PPFIBP1: variants seen among roughly 807,000 people sequenced by gnomAD.
PPFIBP1 encodes PPFIB scaffold protein 1, also known as liprin-beta-1.
In PPFIBP1, 112 loss-of-function variants were observed where a neutral mutation model predicts 137.8. That is an observed-to-expected ratio of 0.81 (90% CI 0.70 to 0.95). The LOEUF (loss-of-function observed/expected upper bound fraction) is 0.95, where lower values mean the gene tolerates loss of function less well. PPFIBP1 is among the 40% of genes least tolerant of loss of function. The probability of loss-of-function intolerance (pLI) is 0.00; values close to 1 mark genes in which losing one functional copy is unlikely to be tolerated. For synonymous variants in PPFIBP1, 378 were observed against 417.3 expected, an observed-to-expected ratio of 0.91 and a Z score of 1.15; for missense variants, 1,083 against 1,196.6, an observed-to-expected ratio of 0.91 and a Z score of 1.40.
intron 8 of PPFIBP1, 127 bp downstream of exon 8, chr12:27,654,941 AT>A (rs2059103370): frequency 2.1e-6 from 3 of 1,404,074 alleles, no homozygotes; most frequent in East Asian, 5.0e-5. Flanking sequence ...GTAAATGAAG[AT>A]TTCCCCCCAA....
Position 27,605,545 on chromosome 12 carries a change from A to T in PPFIBP1, c.-36+27306A>T, listed in dbSNP as rs1207111837. On this transcript the variant is annotated intron_variant, in intron 2 of 29. Coordinates refer to ENST00000228425, the MANE Select transcript of PPFIBP1 (RefSeq NM_003622.4). ...AGAGACATAGGAATAGGTAAAATTA[A>T]TTTTTTGATGTTTTATTTAACTTAA... 1.6e-4 allele frequency among the ~76,000 whole-genome samples: 25 copies of T among 152,246 alleles called. No individual in the cohort carries two copies. The East Asian group carries it at 4.8e-3, about 29-fold the overall frequency.
chr12:27,553,300 G>C lies in PPFIBP1; in HGVS notation c.-123-24852G>C, dbSNP rs560929416. On this transcript the variant is annotated intron_variant, in intron 1 of 29. Transcript: ENST00000228425. The stretch of plus-strand genomic sequence containing the variant: ...GCCACCACTGTCACCACTCAGTCCA[G>C]CTGGGCCGGGGATGGTGCTCACCCA... Among the ~76,000 whole-genome samples, 63 of 152,294 alleles carry C rather than the reference G, an allele frequency of 4.1e-4. 1 individual carries two copies. The South Asian group carries it at 0.012, about 30-fold the overall frequency.
At chr12:27,527,250 T>A (rs1943859436) in intron 1 of PPFIBP1, among the ~76,000 whole-genome samples, 1 of 152,110 alleles carries the variant, frequency 6.6e-6, no homozygotes, top group Admixed American at 6.5e-5. Context: ...TGTCTTTTCT[T>A]TTTTCTTTTT....
At chr12:27,599,521 C>T (rs767573581) in intron 2 of PPFIBP1, 15 of 455,864 alleles carry the variant, frequency 3.3e-5, no homozygotes, top group South Asian at 2.3e-4. Context: ...CTCTTTCTCT[C>T]CTTCCCTCCT....
chr12:27,616,672 CT>C (rs1337109410), intron 2 of PPFIBP1, among the ~76,000 whole-genome samples: 2 of 152,318 alleles, frequency 1.3e-5, no homozygotes, highest in Admixed American at 1.3e-4. Flanking sequence ...TGTCTGAAAG[CT>C]TGGCATGAGA....
At chr12:27,657,194 G>A (rs1387922752) in intron 9 of PPFIBP1, 3 of 152,982 alleles carry the variant, frequency 2.0e-5, no homozygotes, top group Admixed American at 2.0e-4. Flanking sequence ...ACCAGGGATT[G>A]AGCCCTCCAC....
chr12:27,688,631 T>C (rs1015629599), intron 26 of PPFIBP1, among the ~76,000 whole-genome samples: 3 of 152,244 alleles, frequency 2.0e-5, no homozygotes, highest in African/African-American at 4.8e-5. Context: ...TTTATTGTCC[T>C]CTTTCATGTT....
At chr12:27,583,809 GA>G (rs2051391994) in intron 2 of PPFIBP1, among the ~76,000 whole-genome samples, 1 of 152,180 alleles carries the variant, frequency 6.6e-6, no homozygotes, top group Non-Finnish European at 1.5e-5. Flanking sequence ...AAGGGGGACA[GA>G]AAAGGACAGA....
At position 27,688,356 on chromosome 12, in the gene PPFIBP1, T is replaced by A; in HGVS notation, c.2429T>A (p.Leu810Gln). 1 of 1,614,154 alleles carries A rather than the reference T, an allele frequency of 6.2e-7. No homozygotes were observed. Among genetic ancestry groups the A allele is most frequent in the Non-Finnish European group, 8.5e-7 (1 of 1,180,004 alleles). ...ACTAACCATCGAGTGATGGAGTGGC[T>A]GCGCTCCGTGGACTTGGCAGAATAT... Reference protein sequence around the residue: ...KWTNHRVMEWLRSVDLAEYAP... With the variant: ...KWTNHRVMEWQRSVDLAEYAP... Residue 810 changes from leucine (L) to glutamine (Q), a missense_variant, in exon 26 of 30, where the codon CTG becomes CAG. Transcript: ENST00000228425.
chr12:27,622,273 C>A (rs912371706), intron 2 of PPFIBP1, among the ~76,000 whole-genome samples: 5 of 152,122 alleles, frequency 3.3e-5, no homozygotes, highest in African/African-American at 1.2e-4. Context: ...TTTGCCCCCC[C>A]AGAGCAGTGC....
At chr12:27,532,792 G>A (rs1450575789) in intron 1 of PPFIBP1, among the ~76,000 whole-genome samples, 4 of 152,140 alleles carry the variant, frequency 2.6e-5, no homozygotes, top group South Asian at 2.1e-4. Flanking sequence ...TTGAAAAGAC[G>A]TAAGCTATAT....
chr12:27,607,902 G>A lies in PPFIBP1; in HGVS notation c.-35-25460G>A, dbSNP rs144075004. Among the ~76,000 whole-genome samples, 1,195 of 146,478 alleles carry A rather than the reference G, an allele frequency of 8.2e-3. 10 individuals are homozygous for A. Among genetic ancestry groups the A allele is most frequent in the African/African-American group, 0.029 (1,130 of 39,386 alleles). On this transcript the variant is annotated intron_variant, in intron 2 of 29. Coordinates refer to ENST00000228425, the MANE Select transcript of PPFIBP1 (RefSeq NM_003622.4). ...GGAATGTGGCTATGGAGAATAATTTGAGAACTATAAATCAGTTTTTTTCTT... is the reference window on the plus strand; with the variant it reads ...GGAATGTGGCTATGGAGAATAATTTAAGAACTATAAATCAGTTTTTTTCTT...
intron 25 of PPFIBP1, 199 bp from the exon 26 acceptor site, chr12:27,688,099 G>T (rs886746171): frequency 7.2e-6 from 4 of 552,272 alleles, no homozygotes; most frequent in South Asian, 2.6e-5. Flanking sequence ...AAAAAAAAAA[G>T]ACTTCCTTTC....
chr12:27,529,726 A>AT (rs1319444413), intron 1 of PPFIBP1, among the ~76,000 whole-genome samples: 2 of 152,126 alleles, frequency 1.3e-5, no homozygotes, highest in Non-Finnish European at 2.9e-5. Flanking sequence ...CCAAATTTTA[A>AT]TTTTTCCTTT....
At chr12:27,527,827 A>G (rs1434302189) in intron 1 of PPFIBP1, among the ~76,000 whole-genome samples, 3 of 152,176 alleles carry the variant, frequency 2.0e-5, no homozygotes, top group African/African-American at 7.2e-5. Context: ...GGGAGCCATA[A>G]TCATAACTAT....
At chr12:27,663,823 G>A (rs1397010367) in intron 11 of PPFIBP1, among the ~76,000 whole-genome samples, 1 of 150,238 alleles carries the variant, frequency 6.7e-6, no homozygotes, top group African/African-American at 2.5e-5. Context: ...CTGGGTGACA[G>A]AGCGAGACCC....
Position 27,694,939 on chromosome 12 carries a change from T to G in PPFIBP1, c.*2057T>G, listed in dbSNP as rs547879935. ...CTTGTAATATCAAATTACTATTTATTCATAACAATTGATTTGATGCTAATA... is the reference window on the plus strand; with the variant it reads ...CTTGTAATATCAAATTACTATTTATGCATAACAATTGATTTGATGCTAATA... On this transcript the variant is annotated 3_prime_UTR_variant, in exon 30 of 30. Coordinates refer to ENST00000228425, the MANE Select transcript of PPFIBP1 (RefSeq NM_003622.4). The G allele has an allele frequency of 3.3e-5, 5 of 152,364 alleles. No homozygotes were observed. Among genetic ancestry groups the G allele is most frequent in the African/African-American group, 1.2e-4 (5 of 41,580 alleles). 9.4% of individuals were successfully genotyped at this position (152,364 alleles called of 1,614,324 possible).
intron 1 of PPFIBP1, among the ~76,000 whole-genome samples, chr12:27,539,895 C>T (rs989110064): frequency 6.6e-6 from 1 of 151,946 alleles, no homozygotes; most frequent in African/African-American, 2.4e-5. Context: ...AAATATTCTG[C>T]GTATGTAATT....
rs200795633 is a variant in PPFIBP1 at position 27,544,301 on chromosome 12, C to CA, written c.-124+19939dup. Among the ~76,000 whole-genome samples the CA allele has an allele frequency of 7.2e-3, 1,098 of 152,222 alleles. 6 individuals carry two copies. The highest frequency in any genetic ancestry group is 0.033 in the South Asian group (160 of 4,824). ...GACTTGACTATTAACTGACAGGATA[C>CA]AAAGGACTAAAAAATATGCCTAGTG... On this transcript the variant is annotated intron_variant, in intron 1 of 29. Coordinates refer to ENST00000228425, the MANE Select transcript of PPFIBP1 (RefSeq NM_003622.4).
Sources: gnomAD v4.1 joint callset for allele counts (sites outside exome capture counted in the v4.1 genomes callset) on GRCh38, gnomAD v4.1.1 for gene constraint, MANE v1.5 for transcripts, NCBI Gene and HGNC (gene_info 2026-07-23, HGNC 2026-07-21) for gene names.